Variants in IGSF11 observed in about 807,000 individuals in gnomAD.
IGSF11 encodes the protein CXADR like 1.
In IGSF11, 22 loss-of-function variants were observed where a neutral mutation model predicts 41.0. That is an observed-to-expected ratio of 0.54 (90% CI 0.38 to 0.77). IGSF11 has a LOEUF of 0.77. Ranked by LOEUF, IGSF11 falls within the 30% of genes least tolerant of loss-of-function variation. The pLI, the probability that IGSF11 is intolerant of heterozygous loss-of-function variation, is 0.00. For synonymous variants in IGSF11, 219 were observed against 201.3 expected (o/e 1.09, Z -0.74); for missense variants, 444 against 530.8 (o/e 0.84, Z 1.61).
At chr3:119,085,009 G>C (rs1471790155) in intron 1 of IGSF11, among the ~76,000 whole-genome samples, 1 of 152,180 alleles carries the variant, frequency 6.6e-6, no homozygotes, top group Non-Finnish European at 1.5e-5. Context: ...TGTCCAATAA[G>C]GGTGTGGCCT....
chr3:118,956,149 G>T (rs1463455703), intron 1 of IGSF11, among the ~76,000 whole-genome samples: 1 of 152,014 alleles, frequency 6.6e-6, no homozygotes, highest in Non-Finnish European at 1.5e-5. Flanking sequence ...TGTCTTCACA[G>T]AATTGAAAAA....
In IGSF11 at chr3:118,928,495, C is replaced by T. The variant is rs1165359455; in HGVS notation, c.424+14G>A. 8.7e-6 allele frequency: 14 copies of T among 1,608,402 alleles called. No individual in the cohort carries two copies. The highest frequency in any genetic ancestry group is 1.2e-5 in the Non-Finnish European group (14 of 1,176,408). On this transcript the variant is annotated intron_variant, in intron 3 of 6. Coordinates refer to ENST00000393775, the MANE Select transcript of IGSF11 (RefSeq NM_001015887.3). ...AGTAAAGCCCGAACAGCCAAGGACT[C>T]TTGTGTCACTCACCTAACACTGTGA...
intron 1 of IGSF11, among the ~76,000 whole-genome samples, chr3:119,125,794 G>A (rs1329187434): frequency 6.6e-6 from 1 of 152,156 alleles, no homozygotes; most frequent in African/African-American, 2.4e-5. Context: ...GCAGTGTGGT[G>A]CTGCAGCCTA....
chr3:119,123,391 A>G (rs1358511732), intron 1 of IGSF11, among the ~76,000 whole-genome samples: 2 of 152,188 alleles, frequency 1.3e-5, no homozygotes, highest in Non-Finnish European at 2.9e-5. Flanking sequence ...CCTGGACAAC[A>G]TCTCTGGACC....
intron 1 of IGSF11, among the ~76,000 whole-genome samples, chr3:119,082,385 A>G (rs1235863879): frequency 6.6e-6 from 1 of 152,216 alleles, no homozygotes; most frequent in Admixed American, 6.5e-5. Context: ...GATCAGTTAT[A>G]AGATACAGAG....
chr3:119,138,272 T>C (rs2077590078), intron 1 of IGSF11, among the ~76,000 whole-genome samples: 1 of 152,110 alleles, frequency 6.6e-6, no homozygotes, highest in Non-Finnish European at 1.5e-5. Flanking sequence ...TTCACTCCCA[T>C]GTTTATTGCT....
At chr3:119,138,648 G>A (rs1057483503) in intron 1 of IGSF11, among the ~76,000 whole-genome samples, 5 of 152,118 alleles carry the variant, frequency 3.3e-5, no homozygotes, top group Admixed American at 3.3e-4. Context: ...TTGTTCCACT[G>A]CACTACAGCC....
chr3:118,998,969 T>C (rs1364592614), intron 1 of IGSF11, among the ~76,000 whole-genome samples: 1 of 152,046 alleles, frequency 6.6e-6, no homozygotes, highest in South Asian at 2.1e-4. Flanking sequence ...ATCCATACAA[T>C]GAAATGTTAT....
At chr3:118,904,018 G>A (rs574717708) in intron 6 of IGSF11, among the ~76,000 whole-genome samples, 104 of 152,294 alleles carry the variant, frequency 6.8e-4, no homozygotes, top group African/African-American at 2.2e-3. Context: ...GAGAAGATAC[G>A]CAGGCAAGAA....
chr3:119,010,652 G>A (rs1460240733), intron 1 of IGSF11, among the ~76,000 whole-genome samples: 1 of 152,150 alleles, frequency 6.6e-6, no homozygotes, highest in African/African-American at 2.4e-5. Flanking sequence ...CACTGGACTG[G>A]AGCTACACTA....
In IGSF11 at chr3:119,057,764, C is replaced by T. The variant is rs1428598011; in HGVS notation, c.49+47380G>A. Among the ~76,000 whole-genome samples, 3 of 152,258 alleles carry T rather than the reference C, an allele frequency of 2.0e-5. No homozygotes were observed. In the East Asian group the frequency reaches 5.8e-4, roughly 29 times the overall value. ...TAACCAAAACAGCATGGTACTGGTA[C>T]CAAAACAGAGATACAGACCAATGGA... is the stretch of plus-strand genomic sequence containing the variant. On this transcript the variant is annotated intron_variant, in intron 1 of 6. Transcript: ENST00000354673.
At position 119,095,987 on chromosome 3, in the gene IGSF11, T is replaced by C. The variant is rs565143310; in HGVS notation, c.49+9157A>G. ...TACTTAGCTTATATCATGTTCTAAC[T>C]ATCCACTTGCATGTCCTTCTTTTCA... On this transcript the variant is annotated intron_variant, in intron 1 of 6. Transcript: ENST00000354673. Among the ~76,000 whole-genome samples, 15 of 152,344 alleles carry C rather than the reference T, an allele frequency of 9.8e-5. No individual in the cohort carries two copies. The South Asian group carries it at 3.1e-3, about 32-fold the overall frequency.
At chr3:119,106,472 C>G (rs1189643305), upstream of IGSF11, among the ~76,000 whole-genome samples, 2 of 152,132 alleles carry the variant, frequency 1.3e-5, no homozygotes, top group Non-Finnish European at 2.9e-5. Flanking sequence ...TTTTCTCTGC[C>G]TGGTTTACTT....
In IGSF11 at chr3:119,119,648, C is replaced by T. The variant is rs186463086; in HGVS notation, c.-13-14443G>A. On this transcript the variant is annotated intron_variant, in intron 1 of 7. Transcript: ENST00000425327. ...TGCTTTTGGAATTCCATTACAAGAA[C>T]CATCCCCAGAACACAGTCAATGTTT... Among the ~76,000 whole-genome samples the T allele has an allele frequency of 4.5e-4, 68 of 152,296 alleles. 1 individual carries two copies. The highest frequency in any genetic ancestry group is 3.4e-3 in the Admixed American group (52 of 15,302).
chr3:119,022,244 AAGAAGT>A (rs1213007943), intron 1 of IGSF11, among the ~76,000 whole-genome samples: 20 of 152,204 alleles, frequency 1.3e-4, no homozygotes, highest in Admixed American at 1.3e-4. Context: ...TTATAGAGAT[AAGAAGT>A]AGATTAGAGG....
chr3:119,112,826 A>G (rs1010901888), intron 1 of IGSF11: 29 of 152,238 alleles, frequency 1.9e-4, no homozygotes, highest in African/African-American at 6.8e-4. Flanking sequence ...ATTGCTATAA[A>G]GAACTACCTG....
chr3:118,934,824 T>A (rs950171994), intron 1 of IGSF11, among the ~76,000 whole-genome samples: 2 of 152,180 alleles, frequency 1.3e-5, no homozygotes, highest in Non-Finnish European at 2.9e-5. Context: ...CATGATCAAA[T>A]CTGGCACATT....
At chr3:119,079,257 G>T (rs2076551147) in intron 1 of IGSF11, among the ~76,000 whole-genome samples, 1 of 152,068 alleles carries the variant, frequency 6.6e-6, no homozygotes, top group South Asian at 2.1e-4. Flanking sequence ...TACTTGGGAG[G>T]CTGAGGCAGG....
At chr3:119,135,239 G>T (rs576250575) in intron 1 of IGSF11, among the ~76,000 whole-genome samples, 9 of 152,278 alleles carry the variant, frequency 5.9e-5, no homozygotes, top group African/African-American at 2.2e-4. Flanking sequence ...AAGAGCTTCT[G>T]CACAGCAAAA....
Sources: gnomAD v4.1 joint callset for allele counts (sites outside exome capture counted in the v4.1 genomes callset) on GRCh38, gnomAD v4.1.1 for gene constraint, MANE v1.5 for transcripts, NCBI Gene and HGNC (gene_info 2026-07-23, HGNC 2026-07-21) for gene names.